KLHDC2: variants seen among roughly 807,000 people sequenced by gnomAD.
The protein encoded by KLHDC2 is kelch domain-containing protein 2.
A neutral mutation model predicts 62.3 loss-of-function variants in KLHDC2; 38 were observed. The ratio of observed to expected loss-of-function variants is 0.61; its 90% confidence interval spans 0.47 to 0.80. The LOEUF (loss-of-function observed/expected upper bound fraction) is 0.80. KLHDC2 is among the 30% of genes least tolerant of loss of function. The pLI is 0.00. For synonymous variants in KLHDC2, 159 were observed against 161.0 expected, an observed-to-expected ratio of 0.99 and a Z score of 0.09; for missense variants, 430 against 495.3, an observed-to-expected ratio of 0.87 and a Z score of 1.25.
At chr14:49,771,551 T>A in intron 1 of KLHDC2, 43 bp from the exon 2 acceptor site, 1 of 877,924 alleles carries the variant, frequency 1.1e-6, no homozygotes, top group Non-Finnish European at 1.9e-6. Context: ...TAGTGCCTCT[T>A]TAAAATACCA....
At chr14:49,770,087 A>T (rs907376768) in intron 1 of KLHDC2, among the ~76,000 whole-genome samples, 1 of 152,246 alleles carries the variant, frequency 6.6e-6, no homozygotes, top group Non-Finnish European at 1.5e-5. Flanking sequence ...TTGTATTTTT[A>T]AAATGACAGC....
chr14:49,775,692 T>C (rs1889758380), intron 3 of KLHDC2, among the ~76,000 whole-genome samples: 1 of 149,044 alleles, frequency 6.7e-6, no homozygotes, highest in Admixed American at 6.7e-5. Flanking sequence ...AGTGGTGCAA[T>C]CTTGGCTTAC....
Position 49,768,272 on chromosome 14 carries a change from C to CCGG in KLHDC2, c.-187_-185dup. ...CGGCCCCTCTGTCTGCAGGCGTGCCCCGGCGGCGGCGGAGAGCCGTCCTCG... is the reference window on the plus strand; with the variant it reads ...CGGCCCCTCTGTCTGCAGGCGTGCCCCGGCGGCGGCGGCGGAGAGCCGTCCTCG... On this transcript the variant is annotated 5_prime_UTR_variant, in exon 1 of 13. Coordinates refer to ENST00000298307, the MANE Select transcript of KLHDC2 (RefSeq NM_014315.3). 1.9e-6 allele frequency: 1 copy of CCGG among 537,586 alleles called. No individual in the cohort carries two copies. The highest frequency in any genetic ancestry group is 3.6e-5 in the East Asian group (1 of 27,466). The allele number at this position is 537,586 out of a possible 1,614,324, so 33.3% of individuals were successfully genotyped here. A position where few individuals can be genotyped will look rare whatever the true frequency, so the allele number is the denominator to read the frequency against.
At chr14:49,779,955 ATTTTT>A in intron 8 of KLHDC2, 149 bp downstream of exon 8, 1 of 655,506 alleles carries the variant, frequency 1.5e-6, no homozygotes, top group Non-Finnish European at 2.6e-6. Flanking sequence ...AATGAATTTT[ATTTTT>A]GTGTTTCCAG....
At chr14:49,774,179 C>A (rs1889723477) in intron 2 of KLHDC2, among the ~76,000 whole-genome samples, 1 of 152,206 alleles carries the variant, frequency 6.6e-6, no homozygotes, top group Non-Finnish European at 1.5e-5. Flanking sequence ...TCTATCAGCA[C>A]TGGGAATGTT....
At chr14:49,774,797 CTTGA>C (rs1889737847) in intron 3 of KLHDC2, 119 bp downstream of exon 3, 3 of 753,054 alleles carry the variant, frequency 4.0e-6, no homozygotes, top group African/African-American at 3.5e-5. Flanking sequence ...ATGATGTGTA[CTTGA>C]TTATGATATG....
chr14:49,774,900 C>T (rs926396684), intron 3 of KLHDC2: 99 of 486,930 alleles, frequency 2.0e-4, no homozygotes, highest in Non-Finnish European at 1.6e-4. Flanking sequence ...TGTGCAGTAA[C>T]TTCCTGGGTG....
At position 49,778,414 on chromosome 14, in the gene KLHDC2, T is replaced by G; in HGVS notation, c.553T>G (p.Ser185Ala). 2 of 1,553,496 alleles carry G rather than the reference T, an allele frequency of 1.3e-6. No homozygotes were observed. Among genetic ancestry groups the G allele is most frequent in the Non-Finnish European group, 1.8e-6 (2 of 1,132,252 alleles). The part of the protein sequence containing the change: ...FEFDETSFWN[S>A]SHPRGWNDHV... ...CGCGGATTCTTATTTTCTGTAGAAT[T>G]CAAGTCATCCAAGAGGATGGAATGA... is the stretch of plus-strand genomic sequence containing the variant. The change falls in exon 6 of 13, where the codon TCA (serine) becomes GCA (alanine). Residue 185 changes from serine to alanine, a missense_variant. Ser to Ala is a moderately conservative substitution (Grantham distance 99). Transcript: ENST00000298307.
At chr14:49,780,549 G>C (rs1889872390) in intron 9 of KLHDC2, 154 bp from the exon 10 acceptor site, 1 of 668,344 alleles carries the variant, frequency 1.5e-6, no homozygotes, top group South Asian at 1.8e-5. Context: ...AACATGCAAA[G>C]GGCTTACTTG....
chr14:49,776,664 A>AT (rs1195304538), intron 3 of KLHDC2, among the ~76,000 whole-genome samples: 2 of 152,156 alleles, frequency 1.3e-5, no homozygotes, highest in African/African-American at 4.8e-5. Context: ...TATGCTTATA[A>AT]TCCCAGCACT....
In KLHDC2 at chr14:49,785,535, C is replaced by T. The variant is rs767721879; in HGVS notation, c.*2582C>T. On this transcript the variant is annotated 3_prime_UTR_variant, in exon 13 of 13. Coordinates refer to ENST00000298307, the MANE Select transcript of KLHDC2 (RefSeq NM_014315.3). ...TCTTTACTACTTAATTTTTGCCTAG[C>T]ATAATAAGTAATGAGAACAATAATT... 8.2e-5 allele frequency: 39 copies of T among 475,800 alleles called. No individual in the cohort carries two copies. The highest frequency in any genetic ancestry group is 1.5e-4 in the Non-Finnish European group (38 of 261,274). The allele number at this position is 475,800 out of a possible 1,614,324, so 29.5% of individuals were successfully genotyped here.
At chr14:49,781,367 C>CTG (rs148217465) in intron 10 of KLHDC2, among the ~76,000 whole-genome samples, 6 of 24,442 alleles carry the variant, frequency 2.5e-4, no homozygotes, top group South Asian at 2.4e-3. Context: ...GAAACTCTGT[C>CTG]TCAAAAAAAA....
chr14:49,776,845 G>GGA (rs35702257), intron 3 of KLHDC2, among the ~76,000 whole-genome samples: 146,723 of 151,654 alleles, frequency 0.97, 71,179 homozygotes, highest in East Asian at 1. Flanking sequence ...CTTGAACCCA[G>GGA]GGCAGAAATT....
At chr14:49,779,497 T>C in intron 6 of KLHDC2, 98 bp from the exon 7 acceptor site, 1 of 833,646 alleles carries the variant, frequency 1.2e-6, no homozygotes, top group Admixed American at 2.7e-5. Flanking sequence ...TTTTAAAAGC[T>C]CAAGTGCCTT....
intron 6 of KLHDC2, 67 bp downstream of exon 6, chr14:49,778,561 G>GGGGGTGGGGA: frequency 6.7e-6 from 2 of 297,528 alleles, no homozygotes; most frequent in Non-Finnish European, 7.1e-6. Flanking sequence ...TGGGGTAGGG[G>GGGGGTGGGGA]AGAGGGGTGC....
At chr14:49,774,539 C>T (rs1327445254) in intron 2 of KLHDC2, 22 bp from the exon 3 acceptor site, 6 of 1,413,804 alleles carry the variant, frequency 4.2e-6, no homozygotes, top group South Asian at 3.4e-5. Flanking sequence ...AACTTACATA[C>T]ATTTAATTTA....
intron 1 of KLHDC2, among the ~76,000 whole-genome samples, chr14:49,771,211 T>A (rs1889656986): frequency 6.6e-6 from 1 of 151,824 alleles, no homozygotes; most frequent in African/African-American, 2.4e-5. Flanking sequence ...TAGCCAGGCG[T>A]GATGGCGAGT....
Position 49,780,008 on chromosome 14 carries a change from A to C in KLHDC2, c.773+202A>C, listed in dbSNP as rs1232856470. ...TGTGCCTAGTACATAGCATGTGCTCAGTGTTTGTTGAAAGGAAAAGGTCTG... is the reference window on the plus strand; with the variant it reads ...TGTGCCTAGTACATAGCATGTGCTCCGTGTTTGTTGAAAGGAAAAGGTCTG... On this transcript the variant is annotated intron_variant, in intron 8 of 12. Transcript: ENST00000298307. 36 of 615,228 alleles carry C rather than the reference A, an allele frequency of 5.9e-5. No homozygotes were observed. The East Asian group carries it at 9.6e-4, about 16-fold the overall frequency. 38.1% of individuals were successfully genotyped at this position (615,228 alleles called of 1,614,324 possible).
intron 3 of KLHDC2, 170 bp downstream of exon 3, chr14:49,774,848 T>C (rs1252831116): frequency 6.3e-6 from 4 of 638,000 alleles, no homozygotes; most frequent in South Asian, 3.8e-5. Flanking sequence ...CAATCTGTAT[T>C]TACCTAGGCA....
Sources: gnomAD v4.1 joint callset for allele counts (sites outside exome capture counted in the v4.1 genomes callset) on GRCh38, gnomAD v4.1.1 for gene constraint, MANE v1.5 for transcripts, NCBI Gene and HGNC (gene_info 2026-07-23, HGNC 2026-07-21) for gene names.